Variants in UNC80 observed in about 807,000 individuals in gnomAD.
UNC80 encodes unc-80 subunit of NALCN channel complex, also known as protein unc-80 homolog.
In UNC80, 164 loss-of-function variants were observed where a neutral mutation model predicts 384.6. The observed-to-expected ratio is 0.43, with a 90% confidence interval of 0.38 to 0.49. The LOEUF (loss-of-function observed/expected upper bound fraction) is 0.49. UNC80 is among the 20% of genes least tolerant of loss of function. The pLI, the probability that UNC80 is intolerant of heterozygous loss-of-function variation, is 0.00. For synonymous variants in UNC80, 1,486 were observed against 1,527.8 expected (o/e 0.97, Z 0.64); for missense variants, 3,330 against 4,143.0 (o/e 0.80, Z 5.39).
intron 48 of UNC80, 41 bp from the exon 49 acceptor site, chr2:209,957,597 CTGTTGT>C: frequency 7.0e-7 from 1 of 1,421,446 alleles, no homozygotes. Flanking sequence ...GTTTCCATTT[CTGTTGT>C]TGTTGTTGTT....
intron 29 of UNC80, among the ~76,000 whole-genome samples, chr2:209,909,774 T>C (rs1031779175): frequency 4.6e-5 from 7 of 151,984 alleles, no homozygotes; most frequent in African/African-American, 1.4e-4. Context: ...TTCTAAGACA[T>C]ATACATAGGA....
Position 209,771,866 on chromosome 2 carries a change from T to A in UNC80, c.-207T>A. The A allele has an allele frequency of 1.8e-6, 1 of 564,906 alleles. No individual in the cohort carries two copies. Among genetic ancestry groups the A allele is most frequent in the Non-Finnish European group, 3.3e-6 (1 of 305,854 alleles). 35.0% of individuals were successfully genotyped at this position (564,906 alleles called of 1,614,324 possible). A position where few individuals can be genotyped will look rare whatever the true frequency, so the allele number is the denominator to read the frequency against. Reference sequence around the variant, plus strand: ...GCCCCCCTCCTCGCTCCGCGGCTCCTCCAGCCCTCCCCTCCTCCCGCAGCC... The same window carrying A: ...GCCCCCCTCCTCGCTCCGCGGCTCCACCAGCCCTCCCCTCCTCCCGCAGCC... On this transcript the variant is annotated 5_prime_UTR_variant, in exon 1 of 65. Transcript: ENST00000673920.
At chr2:209,855,515 A>C (rs1436733866) in intron 22 of UNC80, among the ~76,000 whole-genome samples, 3 of 152,168 alleles carry the variant, frequency 2.0e-5, no homozygotes, top group Non-Finnish European at 2.9e-5. Context: ...AAGTACATAG[A>C]ATTTAAAGAA....
At chr2:209,788,235 G>A (rs987965774) in intron 5 of UNC80, among the ~76,000 whole-genome samples, 9 of 152,018 alleles carry the variant, frequency 5.9e-5, no homozygotes, top group Admixed American at 6.6e-5. Context: ...TGACCCACAC[G>A]GAGAAACCCC....
intron 42 of UNC80, among the ~76,000 whole-genome samples, chr2:209,938,041 A>G (rs376391854): frequency 6.6e-6 from 1 of 152,148 alleles, no homozygotes; most frequent in African/African-American, 2.4e-5. Context: ...TGCTTGAAAA[A>G]AAAAGCATTA....
At chr2:209,978,423 T>G in intron 58 of UNC80, 106 bp from the exon 59 acceptor site, 2 of 981,916 alleles carry the variant, frequency 2.0e-6, no homozygotes, top group Non-Finnish European at 1.4e-6. Flanking sequence ...CTGGGACACA[T>G]TATTTAACTA....
Position 209,976,212 on chromosome 2 carries a change from T to C in UNC80, c.8681T>C (p.Val2894Ala). 1.3e-6 allele frequency: 2 copies of C among 1,551,624 alleles called. No homozygotes were observed. Among genetic ancestry groups the C allele is most frequent in the Non-Finnish European group, 1.7e-6 (2 of 1,146,978 alleles). Residue 2894 changes from valine to alanine, a missense_variant, in exon 57 of 65, where the codon GTG becomes GCG. Physicochemically the swap from Val to Ala is moderately conservative, Grantham distance 64. This residue lies in a region of UNC80 where 1,049 missense variants were observed against 1,488.6 expected (regional missense o/e 0.70). Coordinates refer to ENST00000673920, the MANE Select transcript of UNC80 (RefSeq NM_001371986.1). The surrounding 1 kb of genome is among the most constrained non-coding windows in gnomAD (Gnocchi z 4.3). ...LQVKEMALRKVGGLALWDFLD... is the reference protein window; with the variant it reads ...LQVKEMALRKAGGLALWDFLD... ...GTGAAGGAGATGGCTCTGCGGAAGG[T>C]GGGAGGCCTGGCCCTTTGGGATTTC...
At chr2:209,871,686 A>C (rs1280761267) in intron 22 of UNC80, among the ~76,000 whole-genome samples, 1 of 152,134 alleles carries the variant, frequency 6.6e-6, no homozygotes, top group Admixed American at 6.5e-5. Flanking sequence ...TGATCTATTG[A>C]CCTTCTATGG....
At chr2:209,946,438 G>T (rs1199833306) in intron 47 of UNC80, among the ~76,000 whole-genome samples, 1 of 151,900 alleles carries the variant, frequency 6.6e-6, no homozygotes, top group African/African-American at 2.4e-5. Flanking sequence ...ACATAGCATA[G>T]GTTCTGGAAA....
At chr2:209,811,836 A>G (rs925536117) in intron 7 of UNC80, among the ~76,000 whole-genome samples, 2 of 152,234 alleles carry the variant, frequency 1.3e-5, no homozygotes, top group Admixed American at 6.5e-5. Context: ...AAAATAATAA[A>G]GTATGGTATG....
chr2:209,810,537 C>T (rs1353180065), intron 7 of UNC80, among the ~76,000 whole-genome samples: 1 of 152,110 alleles, frequency 6.6e-6, no homozygotes, highest in Non-Finnish European at 1.5e-5. Flanking sequence ...CTGGTGCCTG[C>T]GTTTTTAACA....
rs1285406899 is a variant in UNC80 at position 209,872,689 on chromosome 2, C to G, written c.3628-69C>G. 3 of 1,332,220 alleles carry G rather than the reference C, an allele frequency of 2.3e-6. No homozygotes were observed. Among genetic ancestry groups the G allele is most frequent in the Non-Finnish European group, 3.2e-6 (3 of 950,090 alleles). 82.5% of individuals were successfully genotyped at this position (1,332,220 alleles called of 1,614,324 possible). ...ATAAACTAAAAATACACAGTAATTC[C>G]CTTTAAGACCAATTTAAAGTTATTG... On this transcript the variant is annotated intron_variant, in intron 22 of 64. Transcript: ENST00000673920. This position sits in a 1 kb window ranked among gnomAD's most constrained non-coding sequence, Gnocchi z 4.1.
intron 28 of UNC80, among the ~76,000 whole-genome samples, chr2:209,897,438 T>C (rs2086911547): frequency 6.6e-6 from 1 of 152,326 alleles, no homozygotes; most frequent in East Asian, 1.9e-4. Context: ...ATACTACTAC[T>C]CTGTTGTGTC....
At position 209,862,234 on chromosome 2, in the gene UNC80, C is replaced by T. The variant is rs190940209; in HGVS notation, c.3628-10524C>T. On this transcript the variant is annotated intron_variant, in intron 22 of 64. Coordinates refer to ENST00000673920, the MANE Select transcript of UNC80 (RefSeq NM_001371986.1). ...TGTCCCAGATATTCTGGTACATTGT[C>T]TCTTTGTTCTCATTGGCTTCAAATA... 7.2e-4 allele frequency among the ~76,000 whole-genome samples: 110 copies of T among 152,222 alleles called. 1 individual carries two copies. The highest frequency in any genetic ancestry group is 5.9e-4 in the Admixed American group (9 of 15,288).
chr2:209,879,831 G>A (rs552439307), intron 24 of UNC80, among the ~76,000 whole-genome samples: 7 of 151,720 alleles, frequency 4.6e-5, no homozygotes, highest in South Asian at 2.1e-4. Context: ...CAAAGTCCCC[G>A]GCAACAAATT....
At chr2:209,915,298 G>T (rs1333688210) in intron 31 of UNC80, among the ~76,000 whole-genome samples, 2 of 151,704 alleles carry the variant, frequency 1.3e-5, no homozygotes, top group Non-Finnish European at 2.9e-5. Flanking sequence ...CCAGCTACTC[G>T]GGAGGCTGAG....
At chr2:209,893,683 C>G (rs2086560727) in intron 26 of UNC80, among the ~76,000 whole-genome samples, 1 of 152,140 alleles carries the variant, frequency 6.6e-6, no homozygotes, top group South Asian at 2.1e-4. Context: ...TTCTGAGGAG[C>G]AGAGTGGAAG....
At chr2:209,774,479 G>T (rs2076755458) in intron 2 of UNC80, among the ~76,000 whole-genome samples, 1 of 151,754 alleles carries the variant, frequency 6.6e-6, no homozygotes, top group African/African-American at 2.4e-5. Flanking sequence ...GATAGGGATA[G>T]ATATATATAT....
Position 209,995,548 on chromosome 2 carries a change from A to T in UNC80, c.9928A>T (p.Thr3310Ser). The change falls in exon 65 of 65, where the codon ACT becomes TCT. Residue 3310 changes from threonine (T) to serine (S), a missense_variant. Coordinates refer to ENST00000673920, the MANE Select transcript of UNC80 (RefSeq NM_001371986.1). ...ATCTAGTCAGTTCACCTTTACTCCC[A>T]CTGAGCTGGGGAAAACGGATGCAGT... Reference protein sequence around the residue: ...LLSSQFTFTPTELGKTDAVLD... With the variant: ...LLSSQFTFTPSELGKTDAVLD... The T allele has an allele frequency of 6.4e-7, 1 of 1,552,030 alleles. No homozygotes were observed. Among genetic ancestry groups the T allele is most frequent in the Admixed American group, 2.0e-5 (1 of 51,002 alleles).
Sources: gnomAD v4.1 joint callset for allele counts (sites outside exome capture counted in the v4.1 genomes callset) on GRCh38, gnomAD v4.1.1 for gene constraint, gnomAD v4.1.1 regional missense constraint, Gnocchi (gnomAD v3.1) non-coding constraint, MANE v1.5 for transcripts, NCBI Gene and HGNC (gene_info 2026-07-23, HGNC 2026-07-21) for gene names.